The following ABI1 variants were observed in gnomAD, a reference collection of about 807,000 sequenced individuals.
ABI1 encodes the protein Abelson interactor 1.
ABI1 carries 14 observed loss-of-function variants against 54.6 expected under a neutral mutation model. The observed-to-expected ratio is 0.26, with a 90% CI of 0.17 to 0.40. The LOEUF (loss-of-function observed/expected upper bound fraction) is 0.40, where lower values mean the gene tolerates loss of function less well. Ranked by LOEUF, ABI1 falls within the 10% of genes least tolerant of loss-of-function variation. The pLI is 1.00. For missense variants in ABI1, 443 were observed against 598.3 expected (o/e 0.74, Z 2.71); for synonymous variants, 194 against 209.3 (o/e 0.93, Z 0.63).
chr10:26,858,537 G>GAAAAAAA (rs60132421), intron 1 of ABI1, among the ~76,000 whole-genome samples: 1 of 94,242 alleles, frequency 1.1e-5, no homozygotes, highest in Non-Finnish European at 2.1e-5. Context: ...CACAAAAAAA[G>GAAAAAAA]AAAAAAAAAA....
intron 10 of ABI1, among the ~76,000 whole-genome samples, chr10:26,751,393 T>G (rs998610638): frequency 6.9e-6 from 1 of 145,562 alleles, no homozygotes; most frequent in African/African-American, 2.4e-5. Flanking sequence ...AATCTAACAC[T>G]GCAACTTTTA....
At chr10:26,840,424 G>C (rs1227209303) in intron 1 of ABI1, among the ~76,000 whole-genome samples, 1 of 152,132 alleles carries the variant, frequency 6.6e-6, no homozygotes, top group Non-Finnish European at 1.5e-5. Context: ...AAATTACCCA[G>C]CCTGAAGTAT....
chr10:26,851,921 G>C (rs186022512), intron 1 of ABI1, among the ~76,000 whole-genome samples: 4 of 152,268 alleles, frequency 2.6e-5, no homozygotes, highest in African/African-American at 7.2e-5. Context: ...ACAAACTGGC[G>C]AGGTTATCTA....
chr10:26,815,187 A>G (rs576557109), intron 2 of ABI1, among the ~76,000 whole-genome samples: 1 of 151,716 alleles, frequency 6.6e-6, no homozygotes, highest in South Asian at 2.1e-4. Context: ...TAATTCCCCA[A>G]TTAAGAATAA....
At chr10:26,857,320 CAA>C (rs71403897) in intron 1 of ABI1, among the ~76,000 whole-genome samples, 1,042 of 75,248 alleles carry the variant, frequency 0.014, 1 homozygote, top group Non-Finnish European at 0.022. Context: ...GACTCCATCT[CAA>C]AAAAAAAAAA....
chr10:26,848,877 G>A (rs1319873400), intron 1 of ABI1, among the ~76,000 whole-genome samples: 3 of 152,140 alleles, frequency 2.0e-5, no homozygotes, highest in Non-Finnish European at 4.4e-5. Context: ...CCAAAGTGCT[G>A]GGATTACAGG....
Position 26,835,107 on chromosome 10 carries a change from A to AC in ABI1, c.118-11803_118-11802insG, listed in dbSNP as rs2048972400. 2.6e-4 allele frequency among the ~76,000 whole-genome samples: 25 copies of AC among 97,392 alleles called. 1 individual carries two copies. The highest frequency in any genetic ancestry group is 1.5e-3 in the East Asian group (5 of 3,320). 63.9% of individuals were successfully genotyped at this position (97,392 alleles called of 152,430 possible). Reference sequence around the variant, plus strand: ...CTACCTCAAAAAAAAAAAAAAAAAAAAAAAAAAACCCACAATGCAATATCA... The same window carrying AC: ...CTACCTCAAAAAAAAAAAAAAAAAAACAAAAAAAACCCACAATGCAATATCA... On this transcript the variant is annotated intron_variant, in intron 1 of 10. Coordinates refer to ENST00000376140, the MANE Select transcript of ABI1 (RefSeq NM_001012750.3).
intron 2 of ABI1, among the ~76,000 whole-genome samples, chr10:26,818,758 G>A (rs533631945): frequency 6.6e-5 from 10 of 152,092 alleles, no homozygotes; most frequent in South Asian, 2.1e-4. Flanking sequence ...CTGGGAGACC[G>A]AGGTGGGTGG....
At chr10:26,789,663 GTGT>G (rs1843168580) in intron 2 of ABI1, among the ~76,000 whole-genome samples, 2 of 152,078 alleles carry the variant, frequency 1.3e-5, no homozygotes, top group East Asian at 3.9e-4. Context: ...TATGTAAGAT[GTGT>G]TAGTTTGTTG....
chr10:26,817,294 A>C (rs1271658525), intron 2 of ABI1, among the ~76,000 whole-genome samples: 1 of 152,032 alleles, frequency 6.6e-6, no homozygotes, highest in Non-Finnish European at 1.5e-5. Flanking sequence ...ATGTCCGGCC[A>C]AGAGATTTAT....
At chr10:26,805,791 C>G (rs111977114) in intron 2 of ABI1, among the ~76,000 whole-genome samples, 34 of 152,158 alleles carry the variant, frequency 2.2e-4, no homozygotes, top group African/African-American at 8.2e-4. Context: ...TGCTCTGACT[C>G]AGGAGCTGTG....
intron 2 of ABI1, among the ~76,000 whole-genome samples, chr10:26,791,068 CAAAAAAAAAAAAAAA>C (rs369738380): frequency 5.7e-4 from 34 of 59,148 alleles, no homozygotes; most frequent in Non-Finnish European, 9.4e-4. Flanking sequence ...GATTCCGTCT[CAAAAAAAAAAAAAAA>C]AAAAAAAACA....
chr10:26,767,611 T>C (rs1840116510), intron 6 of ABI1, among the ~76,000 whole-genome samples: 2 of 152,172 alleles, frequency 1.3e-5, no homozygotes, highest in South Asian at 4.1e-4. Flanking sequence ...CATTTTCTGA[T>C]CTGGGTGATG....
chr10:26,761,617 CATATAT>C (rs1164854399), intron 7 of ABI1, among the ~76,000 whole-genome samples: 2,807 of 49,768 alleles, frequency 0.056, 95 homozygotes, highest in Non-Finnish European at 0.066. Flanking sequence ...TAGTTTTTGT[CATATAT>C]ATATATATAT....
At chr10:26,762,924 C>G (rs530221278) in intron 7 of ABI1, among the ~76,000 whole-genome samples, 4 of 152,184 alleles carry the variant, frequency 2.6e-5, no homozygotes, top group Non-Finnish European at 5.9e-5. Context: ...TAAACTCCCA[C>G]CAGCAATTTG....
chr10:26,750,218 G>A (rs1837438895), intron 10 of ABI1, among the ~76,000 whole-genome samples: 1 of 152,168 alleles, frequency 6.6e-6, no homozygotes, highest in South Asian at 2.1e-4. Flanking sequence ...AAAATATAAG[G>A]CCACGCTCGG....
intron 8 of ABI1, among the ~76,000 whole-genome samples, chr10:26,757,703 A>G (rs1400860581): frequency 6.6e-6 from 1 of 152,140 alleles, no homozygotes; most frequent in Non-Finnish European, 1.5e-5. Flanking sequence ...GTGAATTTTG[A>G]TATTTCTGAT....
Position 26,858,889 on chromosome 10 carries a change from C to A in ABI1, c.117+1858G>T, listed in dbSNP as rs149021309. Among the ~76,000 whole-genome samples the A allele has an allele frequency of 1.5e-3, 230 of 152,230 alleles. 1 individual carries two copies. The highest frequency in any genetic ancestry group is 5.3e-3 in the African/African-American group (220 of 41,538). On this transcript the variant is annotated intron_variant, in intron 1 of 10. Transcript: ENST00000376140. ...ACATGCAAAACAAAAAGGAGCCACCCCTGTATGAAGCACTTATCTACTGAC... is the reference window on the plus strand; with the variant it reads ...ACATGCAAAACAAAAAGGAGCCACCACTGTATGAAGCACTTATCTACTGAC...
At position 26,751,636 on chromosome 10, in the gene ABI1, C is replaced by T; in HGVS notation, c.1232G>A (p.Gly411Glu). 2 of 1,613,210 alleles carry T rather than the reference C, an allele frequency of 1.2e-6. No homozygotes were observed. Among genetic ancestry groups the T allele is most frequent in the East Asian group, 2.2e-5 (1 of 44,818 alleles). The change falls in exon 10 of 11, where the codon GGG (glycine) becomes GAG (glutamate). Residue 411 changes from glycine to glutamate, a missense_variant. Around this residue, in one of 2 missense-constraint regions of ABI1, gnomAD observed 49 missense variants for 113.5 expected, o/e 0.43. Transcript: ENST00000376140. ...VVQYNDPYAD[G>E]DPAWAPKNYI... is the part of the protein sequence containing the mutation. Reference sequence around the variant, plus strand: ...ATTCTTGGGGGCCCAAGCAGGATCCCCATCTGCATATGGATCATTATACTG... The same window carrying T: ...ATTCTTGGGGGCCCAAGCAGGATCCTCATCTGCATATGGATCATTATACTG...
Sources: allele counts gnomAD v4.1 joint callset (sites outside exome capture counted in the v4.1 genomes callset), GRCh38; gene constraint gnomAD v4.1.1; regional missense constraint gnomAD v4.1.1; transcripts MANE v1.5; gene names NCBI Gene and HGNC (gene_info 2026-07-23, HGNC 2026-07-21).